The following LUZP2 variants were observed in gnomAD, a reference collection of about 807,000 sequenced individuals.
The protein encoded by LUZP2 is leucine zipper protein 2.
Under a neutral mutation model 51.6 loss-of-function variants are expected in LUZP2, and 52 were observed. The ratio of observed to expected loss-of-function variants is 1.01; its 90% CI spans 0.81 to 1.27. The LOEUF (loss-of-function observed/expected upper bound fraction) is 1.27. Among genes scored for constraint, LUZP2 ranks in the 50% most tolerant of loss-of-function variants. The pLI is 0.00. For synonymous variants in LUZP2, 154 were observed against 137.3 expected, an observed-to-expected ratio of 1.12 and a Z score of -0.85; for missense variants, 436 against 395.4, an observed-to-expected ratio of 1.10 and a Z score of -0.87.
chr11:24,983,277 C>G lies in LUZP2; in HGVS notation c.749C>G (p.Ala250Gly). The G allele has an allele frequency of 6.2e-7, 1 of 1,611,624 alleles. No individual in the cohort carries two copies. Among genetic ancestry groups the G allele is most frequent in the Non-Finnish European group, 8.5e-7 (1 of 1,178,544 alleles). Reference sequence around the variant, plus strand: ...AATATTGCCTCTAAGCTTCCAGATGCAGCGGCCAAAAGCAAGGTACCTACC... The same window carrying G: ...AATATTGCCTCTAAGCTTCCAGATGGAGCGGCCAAAAGCAAGGTACCTACC... The part of the protein sequence containing the change: ...PRNIASKLPD[A>G]AAKSKPQQSA... Residue 250 changes from alanine to glycine, a missense_variant, in exon 9 of 12, where the codon GCA (alanine) becomes GGA (glycine). Transcript: ENST00000336930.
chr11:24,968,560 G>T (rs558487384), intron 7 of LUZP2, among the ~76,000 whole-genome samples: 1 of 152,118 alleles, frequency 6.6e-6, no homozygotes, highest in East Asian at 1.9e-4. Context: ...TCTCCTCTCA[G>T]CCATGTAGAA....
chr11:24,663,392 G>T (rs993502870), intron 1 of LUZP2, among the ~76,000 whole-genome samples: 61 of 152,162 alleles, frequency 4.0e-4, no homozygotes, highest in African/African-American at 1.4e-3. Context: ...AGTTTCCTGA[G>T]GCATCCCAAC....
chr11:24,497,062 G>A lies in LUZP2; in HGVS notation c.-182G>A, dbSNP rs1849844793. The A allele has an allele frequency of 2.2e-6, 1 of 450,284 alleles. No individual in the cohort carries two copies. Among genetic ancestry groups the A allele is most frequent in the Non-Finnish European group, 3.9e-6 (1 of 255,916 alleles). The allele number at this position is 450,284 out of a possible 1,614,324, so 27.9% of individuals were successfully genotyped here. ...CCTCGCCGGTGACATCACTCCTGAA[G>A]ATACTCCTCGCTCCCAGCGCCTGCC... On this transcript the variant is annotated 5_prime_UTR_variant, in exon 1 of 12. Transcript: ENST00000336930.
intron 7 of LUZP2, among the ~76,000 whole-genome samples, chr11:24,928,995 A>G (rs958024159): frequency 6.6e-6 from 1 of 151,968 alleles, no homozygotes; most frequent in African/African-American, 2.4e-5. Context: ...TATTTCCTCT[A>G]GGTTTTCTAG....
chr11:24,848,142 G>C (rs1250360686), intron 5 of LUZP2, among the ~76,000 whole-genome samples: 3 of 151,770 alleles, frequency 2.0e-5, no homozygotes, highest in Non-Finnish European at 4.4e-5. Flanking sequence ...ATATATGATT[G>C]ATATGATATG....
rs539606924 is a variant in LUZP2, at chr11:24,556,512, AAAAG to A, written c.62+59213_62+59216del. 4.7e-4 allele frequency among the ~76,000 whole-genome samples: 72 copies of A among 152,286 alleles called. No individual in the cohort carries two copies. In the Middle Eastern group the frequency reaches 0.017, roughly 36 times the overall value. ...GAGAAACTGTATTTACTTAATGATG[AAAAG>A]AAAGACTTCATGAAGGGTGTGGTAT... On this transcript the variant is annotated intron_variant, in intron 1 of 11. Transcript: ENST00000336930.
intron 1 of LUZP2, among the ~76,000 whole-genome samples, chr11:24,632,924 A>C (rs1392807051): frequency 6.6e-6 from 1 of 152,034 alleles, no homozygotes; most frequent in Non-Finnish European, 1.5e-5. Flanking sequence ...GTAATGTATT[A>C]AGAAATGATA....
At chr11:24,572,419 C>T (rs969081937) in intron 1 of LUZP2, among the ~76,000 whole-genome samples, 3 of 151,884 alleles carry the variant, frequency 2.0e-5, no homozygotes, top group African/African-American at 7.2e-5. Flanking sequence ...AGACATTTTA[C>T]TCCAAAGACT....
chr11:24,834,780 C>T (rs1450252295), intron 5 of LUZP2, among the ~76,000 whole-genome samples: 2 of 152,116 alleles, frequency 1.3e-5, no homozygotes, highest in African/African-American at 2.4e-5. Context: ...TTCATAATTG[C>T]CATTCTGACT....
At position 24,879,511 on chromosome 11, in the gene LUZP2, T is replaced by C. The variant is rs143693607; in HGVS notation, c.397-26480T>C. Among the ~76,000 whole-genome samples the C allele has an allele frequency of 2.1e-3, 318 of 152,292 alleles. 1 individual carries two copies. The highest frequency in any genetic ancestry group is 7.4e-3 in the African/African-American group (306 of 41,560). On this transcript the variant is annotated intron_variant, in intron 5 of 11. Coordinates refer to ENST00000336930, the MANE Select transcript of LUZP2 (RefSeq NM_001009909.4). ...ATCGCCACATTGAATTCCACAATAG[T>C]TGAACTAATTTACATTCCCACCAGC...
intron 10 of LUZP2, among the ~76,000 whole-genome samples, chr11:25,065,745 G>A (rs1032572126): frequency 1.3e-5 from 2 of 151,902 alleles, no homozygotes; most frequent in Admixed American, 6.6e-5. Flanking sequence ...GAATATATCA[G>A]TGTGACAAAA....
At chr11:24,544,569 GGAAA>G (rs1247174612) in intron 1 of LUZP2, among the ~76,000 whole-genome samples, 3 of 152,006 alleles carry the variant, frequency 2.0e-5, no homozygotes, top group Non-Finnish European at 4.4e-5. Flanking sequence ...AATTTGCTAA[GGAAA>G]ATGGCCTCCA....
At chr11:24,613,870 C>T (rs1030711627) in intron 1 of LUZP2, among the ~76,000 whole-genome samples, 4 of 152,052 alleles carry the variant, frequency 2.6e-5, no homozygotes, top group East Asian at 1.9e-4. Context: ...TCTGCATATG[C>T]GAAATATCTG....
At chr11:24,609,941 A>G (rs1854061828) in intron 1 of LUZP2, among the ~76,000 whole-genome samples, 1 of 152,174 alleles carries the variant, frequency 6.6e-6, no homozygotes, top group Non-Finnish European at 1.5e-5. Context: ...AGAGCAATTT[A>G]TGCCCCAGGG....
At chr11:24,767,972 C>CT (rs35024641) in intron 5 of LUZP2, among the ~76,000 whole-genome samples, 3,823 of 150,186 alleles carry the variant, frequency 0.025, 81 homozygotes, top group African/African-American at 0.066. Context: ...AGTATCATTT[C>CT]TTTTTTTTTT....
chr11:24,986,992 C>A (rs567318235), intron 9 of LUZP2, among the ~76,000 whole-genome samples: 5 of 151,718 alleles, frequency 3.3e-5, no homozygotes, highest in African/African-American at 1.2e-4. Context: ...ATTTTAATAC[C>A]TTGATCAAAT....
At chr11:24,972,158 A>C (rs905037932) in intron 7 of LUZP2, among the ~76,000 whole-genome samples, 2 of 151,464 alleles carry the variant, frequency 1.3e-5, no homozygotes, top group African/African-American at 4.8e-5. Flanking sequence ...AAAAAAAAAA[A>C]AAAACACTTG....
intron 5 of LUZP2, among the ~76,000 whole-genome samples, chr11:24,845,946 A>G (rs1851185699): frequency 6.6e-6 from 1 of 152,110 alleles, no homozygotes; most frequent in Non-Finnish European, 1.5e-5. Context: ...AACAAAATAG[A>G]ACTAGATAGG....
At chr11:24,634,010 T>C (rs114778913) in intron 1 of LUZP2, among the ~76,000 whole-genome samples, 1,567 of 151,666 alleles carry the variant, frequency 0.01, 28 homozygotes, top group African/African-American at 0.036. Flanking sequence ...TAAACCTGTT[T>C]AACTATTAAA....
Sources: allele counts gnomAD v4.1 joint callset (sites outside exome capture counted in the v4.1 genomes callset), GRCh38; gene constraint gnomAD v4.1.1; transcripts MANE v1.5; gene names NCBI Gene and HGNC (gene_info 2026-07-23, HGNC 2026-07-21).